PRR16: variants seen among roughly 807,000 people sequenced by gnomAD.
The protein encoded by PRR16 is protein Largen.
A neutral mutation model predicts 18.2 loss-of-function variants in PRR16; 6 were observed. The ratio of observed to expected loss-of-function variants is 0.33; its 90% CI spans 0.18 to 0.65. The LOEUF is 0.65. PRR16 is among the 30% of genes least tolerant of loss of function. The pLI, the probability that PRR16 is intolerant of heterozygous loss-of-function variation, is 0.74. For synonymous variants in PRR16, 151 were observed against 147.8 expected (o/e 1.02, Z -0.16); for missense variants, 412 against 376.6 (o/e 1.09, Z -0.78).
chr5:120,732,509 G>A, the PRR16 span, among the ~76,000 whole-genome samples: 2 of 152,162 alleles, frequency 1.3e-5, no homozygotes, highest in Admixed American at 6.5e-5. Context: ...GATCAAGGCT[G>A]CAACTGCAAG....
downstream of PRR16, among the ~76,000 whole-genome samples, chr5:120,691,274 T>C (rs1435845385): frequency 2.0e-5 from 3 of 152,172 alleles, no homozygotes; most frequent in African/African-American, 7.2e-5. Context: ...CTTTCCTTTA[T>C]TCTGATCAGT....
chr5:120,537,616 C>G (rs955158615), intron 1 of PRR16, among the ~76,000 whole-genome samples: 1 of 144,976 alleles, frequency 6.9e-6, no homozygotes, highest in African/African-American at 2.6e-5. Flanking sequence ...TTTGGCCAAG[C>G]AAGATTACAG....
chr5:120,703,315 C>G, the PRR16 span, among the ~76,000 whole-genome samples: 1 of 152,218 alleles, frequency 6.6e-6, no homozygotes. Context: ...AGTGTATTCA[C>G]TTCTTTTGTG....
downstream of PRR16, among the ~76,000 whole-genome samples, chr5:120,687,592 T>A (rs1031022581): frequency 2.6e-5 from 4 of 152,180 alleles, no homozygotes; most frequent in East Asian, 5.8e-4. Context: ...AACTATTACA[T>A]TGAGGCTGTA....
At chr5:120,564,468 G>A (rs1752673531) in intron 1 of PRR16, among the ~76,000 whole-genome samples, 1 of 151,132 alleles carries the variant, frequency 6.6e-6, no homozygotes, top group Admixed American at 6.6e-5. Context: ...AGCTAGGTCT[G>A]GTCTAAATGC....
In PRR16 at chr5:120,616,133, G is replaced by GTA. The variant is rs552753733; in HGVS notation, c.160-69820_160-69819dup. On this transcript the variant is annotated intron_variant, in intron 1 of 1. Coordinates refer to ENST00000407149, the MANE Select transcript of PRR16 (RefSeq NM_001300783.2). ...TCTGCATTCCTAGTACTGACACAGCGTAGTGCTCTACAAGTAGCTAACAAA... is the reference window on the plus strand; with the variant it reads ...TCTGCATTCCTAGTACTGACACAGCGTATAGTGCTCTACAAGTAGCTAACAAA... Among the ~76,000 whole-genome samples, 22 of 152,230 alleles carry GTA rather than the reference G, an allele frequency of 1.4e-4. No homozygotes were observed. In the East Asian group the frequency reaches 3.9e-3, roughly 27 times the overall value.
At chr5:120,645,410 AAG>A (rs1490341429) in intron 1 of PRR16, among the ~76,000 whole-genome samples, 1 of 143,806 alleles carries the variant, frequency 7.0e-6, no homozygotes, top group Admixed American at 6.9e-5. Context: ...CACAGGCAGA[AAG>A]AGAGTGAGAG....
chr5:120,669,416 T>A (rs898059288), intron 1 of PRR16, among the ~76,000 whole-genome samples: 4 of 152,046 alleles, frequency 2.6e-5, no homozygotes, highest in African/African-American at 9.7e-5. Flanking sequence ...CTTATTGTTT[T>A]TTAAAAAAAT....
chr5:120,759,726 A>G, the PRR16 span, among the ~76,000 whole-genome samples: 4 of 152,202 alleles, frequency 2.6e-5, no homozygotes, highest in Non-Finnish European at 5.9e-5. Context: ...ATTCATAATA[A>G]CAGAATCTAA....
chr5:120,646,462 A>G (rs1483251830), intron 1 of PRR16, among the ~76,000 whole-genome samples: 2 of 152,082 alleles, frequency 1.3e-5, no homozygotes, highest in African/African-American at 2.4e-5. Context: ...GCAAAGTTAT[A>G]AATCAGGAAA....
In PRR16 at chr5:120,499,299, C is replaced by T. The variant is rs1382205491; in HGVS notation, c.159+34654C>T. Among the ~76,000 whole-genome samples the T allele has an allele frequency of 4.0e-5, 6 of 151,796 alleles. No individual in the cohort carries two copies. In the South Asian group the frequency reaches 1.0e-3, roughly 26 times the overall value. ...TAATTTTTTGTATTTTTAGTAGAGA[C>T]GGGGTTTCTCCACATTGGTCAGGCT... On this transcript the variant is annotated intron_variant, in intron 1 of 1. Coordinates refer to ENST00000407149, the MANE Select transcript of PRR16 (RefSeq NM_001300783.2).
chr5:120,572,613 G>A (rs1332908079), intron 1 of PRR16, among the ~76,000 whole-genome samples: 1 of 152,098 alleles, frequency 6.6e-6, no homozygotes, highest in Non-Finnish European at 1.5e-5. Context: ...TGTATAGATT[G>A]TATTTAAATT....
the PRR16 span, among the ~76,000 whole-genome samples, chr5:120,783,170 C>G: frequency 0.012 from 1,842 of 152,234 alleles, 46 homozygotes; most frequent in African/African-American, 0.042. Context: ...TAACTTAGAA[C>G]CAATGATAGA....
chr5:120,637,286 A>G (rs1356387867), intron 1 of PRR16, among the ~76,000 whole-genome samples: 6 of 134,062 alleles, frequency 4.5e-5, no homozygotes. Flanking sequence ...GCTACTAGGT[A>G]TCTAGCCGGA....
At chr5:120,674,239 G>A (rs1182401037) in intron 1 of PRR16, among the ~76,000 whole-genome samples, 2 of 152,036 alleles carry the variant, frequency 1.3e-5, no homozygotes, top group African/African-American at 4.8e-5. Flanking sequence ...TGTATATGCT[G>A]TTGTCTCTGC....
the PRR16 span, among the ~76,000 whole-genome samples, chr5:120,712,438 T>G: frequency 2.0e-5 from 3 of 152,164 alleles, no homozygotes; most frequent in Non-Finnish European, 4.4e-5. Flanking sequence ...TTCTCTTCTT[T>G]CTTTCATTTT....
At chr5:120,551,575 CAAACTT>C (rs1279647843) in intron 1 of PRR16, among the ~76,000 whole-genome samples, 4 of 151,760 alleles carry the variant, frequency 2.6e-5, no homozygotes, top group South Asian at 2.1e-4. Flanking sequence ...GGAAATAAGT[CAAACTT>C]AAAGTTAAGC....
At chr5:120,718,607 A>G in the PRR16 span, among the ~76,000 whole-genome samples, 2 of 152,042 alleles carry the variant, frequency 1.3e-5, no homozygotes, top group African/African-American at 4.8e-5. Context: ...TCTACCACCT[A>G]TACCTAAAGT....
At chr5:120,754,461 AGTATATAGTATATAT>A in the PRR16 span, among the ~76,000 whole-genome samples, 1 of 27,716 alleles carries the variant, frequency 3.6e-5, no homozygotes, top group Admixed American at 5.8e-4. Flanking sequence ...TATAATATAT[AGTATATAGTATATAT>A]TATATAATAT....
Sources: allele counts gnomAD v4.1 joint callset (sites outside exome capture counted in the v4.1 genomes callset), GRCh38; gene constraint gnomAD v4.1.1; transcripts MANE v1.5; gene names NCBI Gene and HGNC (gene_info 2026-07-23, HGNC 2026-07-21).